Variants in MYRIP observed in about 807,000 individuals in gnomAD.
MYRIP encodes myosin VIIA and Rab interacting protein.
A neutral mutation model predicts 98.0 loss-of-function variants in MYRIP; 49 were observed. That is an observed-to-expected ratio of 0.50 (90% confidence interval 0.40 to 0.63). The LOEUF (loss-of-function observed/expected upper bound fraction) is 0.63. Ranked by LOEUF, MYRIP falls within the 30% of genes least tolerant of loss-of-function variation. MYRIP has a pLI of 0.00. For missense variants in MYRIP, 1,004 were observed against 1,058.2 expected (o/e 0.95, Z 0.71); for synonymous variants, 404 against 409.5 (o/e 0.99, Z 0.16).
At chr3:39,850,159 G>C (rs113002533) in intron 1 of MYRIP, among the ~76,000 whole-genome samples, 1 of 152,160 alleles carries the variant, frequency 6.6e-6, no homozygotes, top group Non-Finnish European at 1.5e-5. Flanking sequence ...ATTTGTAACC[G>C]CATGCTCTGT....
chr3:40,157,726 G>A (rs1489344753), intron 4 of MYRIP, among the ~76,000 whole-genome samples: 2 of 150,788 alleles, frequency 1.3e-5, no homozygotes, highest in African/African-American at 4.9e-5. Flanking sequence ...AGTCTTGGGA[G>A]AGTGTATTTG....
At chr3:40,034,163 C>T (rs923405265) in intron 2 of MYRIP, among the ~76,000 whole-genome samples, 3 of 151,662 alleles carry the variant, frequency 2.0e-5, no homozygotes, top group African/African-American at 7.3e-5. Flanking sequence ...TAGGCATGGG[C>T]AAGGACTTCA....
At position 39,824,844 on chromosome 3, in the gene MYRIP, T is replaced by A. The variant is rs182385958; in HGVS notation, c.-31+14928T>A. On this transcript the variant is annotated intron_variant, in intron 1 of 16. Transcript: ENST00000302541. ...GGTCTTCTTGCCTCAGCCTCCCAAG[T>A]AATTGTGACTATAGGCATATGCCAC... Among the ~76,000 whole-genome samples, 32 of 152,262 alleles carry A rather than the reference T, an allele frequency of 2.1e-4. No homozygotes were observed. The East Asian group carries it at 3.7e-3, about 17-fold the overall frequency.
At chr3:40,024,023 G>A (rs1947065641) in intron 2 of MYRIP, among the ~76,000 whole-genome samples, 1 of 152,176 alleles carries the variant, frequency 6.6e-6, no homozygotes, top group Non-Finnish European at 1.5e-5. Context: ...ACACAAAGAA[G>A]AAATGGGCTA....
intron 1 of MYRIP, among the ~76,000 whole-genome samples, chr3:39,885,624 T>C (rs1943276160): frequency 6.6e-6 from 1 of 152,100 alleles, no homozygotes; most frequent in Non-Finnish European, 1.5e-5. Context: ...CCCGTCGCTT[T>C]CAGGTACACC....
intron 1 of MYRIP, among the ~76,000 whole-genome samples, chr3:39,877,377 G>A (rs1432985703): frequency 6.6e-6 from 1 of 152,100 alleles, no homozygotes; most frequent in South Asian, 2.1e-4. Context: ...TTGTTCCATT[G>A]CTGGTGAGGA....
At chr3:40,006,064 A>G (rs1946626335) in intron 2 of MYRIP, among the ~76,000 whole-genome samples, 2 of 152,278 alleles carry the variant, frequency 1.3e-5, no homozygotes, top group East Asian at 3.9e-4. Context: ...GGTCTCAAAG[A>G]AGAGAAGAAT....
At position 40,151,148 on chromosome 3, in the gene MYRIP, C is replaced by A; in HGVS notation, c.433C>A (p.His145Asn). Residue 145 changes from histidine to asparagine, a missense_variant, in exon 4 of 17, where the codon CAC becomes AAC. His to Asn is a moderately conservative substitution (Grantham distance 68, BLOSUM62 1). Around this residue, in one of 3 missense-constraint regions of MYRIP, gnomAD observed 880 missense variants for 907.7 expected, o/e 0.97. Transcript: ENST00000302541. ...AKVLKNLYRK[H>N]RLESGACFDI... is the part of the protein sequence containing the mutation. Reference sequence around the variant, plus strand: ...GGTTCTGAAGAACCTGTACAGGAAGCACCGGCTGGAGAGTGGCGCGTGCTT... The same window carrying A: ...GGTTCTGAAGAACCTGTACAGGAAGAACCGGCTGGAGAGTGGCGCGTGCTT... The A allele has an allele frequency of 6.2e-7, 1 of 1,610,390 alleles. No homozygotes were observed. The highest frequency in any genetic ancestry group is 8.5e-7 in the Non-Finnish European group (1 of 1,178,070).
At chr3:40,130,568 G>C (rs1949616498) in intron 3 of MYRIP, among the ~76,000 whole-genome samples, 1 of 151,634 alleles carries the variant, frequency 6.6e-6, no homozygotes, top group Non-Finnish European at 1.5e-5. Context: ...TTTTAGTAGA[G>C]ACGGGGTTTC....
At chr3:40,167,349 C>A in intron 7 of MYRIP, 110 bp downstream of exon 7, 2 of 970,942 alleles carry the variant, frequency 2.1e-6, no homozygotes, top group South Asian at 1.5e-5. Flanking sequence ...ACTGTATCTT[C>A]TGTGCCTTCT....
chr3:40,050,197 C>G (rs576575563), intron 3 of MYRIP, among the ~76,000 whole-genome samples: 1 of 152,234 alleles, frequency 6.6e-6, no homozygotes, highest in South Asian at 2.1e-4. Flanking sequence ...GAAGAAGAGG[C>G]CATCTACAAC....
intron 2 of MYRIP, among the ~76,000 whole-genome samples, chr3:39,991,046 G>A (rs566598784): frequency 1.1e-4 from 17 of 152,308 alleles, no homozygotes; most frequent in Admixed American, 2.6e-4. Flanking sequence ...AATACCTAAT[G>A]TAAGTGACAG....
chr3:40,257,169 A>T (rs1953622290), intron 16 of MYRIP, among the ~76,000 whole-genome samples: 1 of 151,568 alleles, frequency 6.6e-6, no homozygotes, highest in African/African-American at 2.4e-5. Flanking sequence ...TACAAAAAAT[A>T]AAAAGTTAGC....
chr3:40,211,539 C>T (rs1165720339), intron 11 of MYRIP, among the ~76,000 whole-genome samples: 1 of 152,148 alleles, frequency 6.6e-6, no homozygotes, highest in Non-Finnish European at 1.5e-5. Context: ...ACGAGGAGCC[C>T]CTCACTGGGA....
intron 2 of MYRIP, among the ~76,000 whole-genome samples, chr3:39,993,914 C>A: frequency 6.6e-6 from 1 of 152,226 alleles, no homozygotes; most frequent in Non-Finnish European, 1.5e-5. Context: ...TTCAGTTAAA[C>A]AATAACATCA....
chr3:40,044,373 C>A (rs370759538), intron 3 of MYRIP, 102 bp downstream of exon 3: 46 of 1,158,638 alleles, frequency 4.0e-5, no homozygotes, highest in Middle Eastern at 5.0e-4. Context: ...GGTAGATCAA[C>A]ACAGAGTATT....
intron 2 of MYRIP, among the ~76,000 whole-genome samples, chr3:39,969,394 T>C (rs991853008): frequency 6.6e-6 from 1 of 152,182 alleles, no homozygotes; most frequent in Non-Finnish European, 1.5e-5. Context: ...ATCCTTGTCA[T>C]GTGCTAGTTT....
chr3:39,948,432 AC>A (rs1406854562), intron 2 of MYRIP, among the ~76,000 whole-genome samples: 1 of 152,228 alleles, frequency 6.6e-6, no homozygotes, highest in Admixed American at 6.5e-5. Context: ...ATAAGAAAAT[AC>A]TTGCTGAGTT....
At chr3:39,838,745 C>T (rs929745819) in intron 1 of MYRIP, among the ~76,000 whole-genome samples, 1 of 151,974 alleles carries the variant, frequency 6.6e-6, no homozygotes, top group Non-Finnish European at 1.5e-5. Context: ...GGGAGGAGTC[C>T]CTCTTTTTCT....
Sources: allele counts gnomAD v4.1 joint callset (sites outside exome capture counted in the v4.1 genomes callset), GRCh38; gene constraint gnomAD v4.1.1; regional missense constraint gnomAD v4.1.1; transcripts MANE v1.5; gene names NCBI Gene and HGNC (gene_info 2026-07-23, HGNC 2026-07-21).